Variants in ZNF385A observed in about 807,000 individuals in gnomAD.
The protein encoded by ZNF385A is zinc finger protein 385A.
In ZNF385A, 14 loss-of-function variants were observed where a neutral mutation model predicts 32.1. The ratio of observed to expected loss-of-function variants is 0.44; its 90% confidence interval spans 0.29 to 0.68. The LOEUF (loss-of-function observed/expected upper bound fraction) is 0.68. ZNF385A is among the 30% of genes least tolerant of loss of function. The pLI, the probability that ZNF385A is intolerant of heterozygous loss-of-function variation, is 0.14. For missense variants in ZNF385A, 406 were observed against 478.4 expected, an observed-to-expected ratio of 0.85 and a Z score of 1.41; for synonymous variants, 197 against 202.7, an observed-to-expected ratio of 0.97 and a Z score of 0.24.
Position 54,370,879 on chromosome 12 carries a change from T to A in ZNF385A, c.774+48A>T, listed in dbSNP as rs1954508416. ...CAAGCTCCTTGCTCCCCTTCCCCAC[T>A]TAGCGGGTGGAGCGTCCCAGAATTC... On this transcript the variant is annotated intron_variant, in intron 5 of 6. Coordinates refer to ENST00000394313, the MANE Select transcript of ZNF385A (RefSeq NM_015481.3). The surrounding 1 kb of genome is among the most constrained non-coding windows in gnomAD (Gnocchi z 5.5). 1 of 1,613,406 alleles carries A rather than the reference T, an allele frequency of 6.2e-7. No homozygotes were observed. The highest frequency in any genetic ancestry group is 1.3e-5 in the African/African-American group (1 of 74,926).
rs895133129 is a variant in ZNF385A, at chr12:54,378,198, G to A, written c.88-2244C>T. 2.6e-5 allele frequency among the ~76,000 whole-genome samples: 4 copies of A among 152,168 alleles called. No homozygotes were observed. In the East Asian group the frequency reaches 7.7e-4, roughly 29 times the overall value. On this transcript the variant is annotated intron_variant, in intron 1 of 6. Coordinates refer to ENST00000394313, the MANE Select transcript of ZNF385A (RefSeq NM_015481.3). ...TAAGGAGACACCAGGATGAAAGTGA[G>A]GACTCCTGGGCCCAATCCCTGTGCA...
In ZNF385A at chr12:54,375,573, G is replaced by A. The variant is rs141689962; in HGVS notation, c.198+271C>T. 3.9e-4 allele frequency among the ~76,000 whole-genome samples: 59 copies of A among 152,284 alleles called. 2 individuals are homozygous for A. The highest frequency in any genetic ancestry group is 1.3e-3 in the African/African-American group (55 of 41,558). On this transcript the variant is annotated intron_variant, in intron 2 of 6. Coordinates refer to ENST00000394313, the MANE Select transcript of ZNF385A (RefSeq NM_015481.3). ...TATGTTCCAAGAAGCTCTGAACCAC[G>A]GATGCCCAAGTCTCAAGGGAGGGAG... is the stretch of plus-strand genomic sequence containing the variant.
Position 54,369,966 on chromosome 12 carries a change from T to G in ZNF385A, c.*290A>C. The G allele has an allele frequency of 2.5e-4, 75 of 294,272 alleles. No individual in the cohort carries two copies. Among genetic ancestry groups the G allele is most frequent in the Middle Eastern group, 9.1e-4 (1 of 1,096 alleles). The allele number at this position is 294,272 out of a possible 1,614,324, so 18.2% of individuals were successfully genotyped here. A position where few individuals can be genotyped will look rare whatever the true frequency, so the allele number is the denominator to read the frequency against. ...GGGGAAGGGCTGGATGGACATGGCT[T>G]TTGGGAGGGGGGGTGTCTCCAAGGG... On this transcript the variant is annotated 3_prime_UTR_variant, in exon 7 of 7. Transcript: ENST00000394313.
chr12:54,391,139 G>C, intron 1 of ZNF385A: 1 of 1,342,222 alleles, frequency 7.5e-7, no homozygotes, highest in Non-Finnish European at 9.9e-7. Context: ...GGCGGCCGCA[G>C]TCACCGCGGT....
chr12:54,389,173 C>T (rs1331756516), upstream of ZNF385A, among the ~76,000 whole-genome samples: 1 of 152,182 alleles, frequency 6.6e-6, no homozygotes, highest in Non-Finnish European at 1.5e-5. Context: ...GAACCTGAGC[C>T]CAGAACTGCC....
In ZNF385A at chr12:54,391,234, C is replaced by A; in HGVS notation, c.10+1G>T. 6.9e-7 allele frequency: 1 copy of A among 1,447,236 alleles called. No homozygotes were observed. Among genetic ancestry groups the A allele is most frequent in the Non-Finnish European group, 9.2e-7 (1 of 1,089,750 alleles). 89.6% of individuals were successfully genotyped at this position (1,447,236 alleles called of 1,614,324 possible). A position where few individuals can be genotyped will look rare whatever the true frequency, so the allele number is the denominator to read the frequency against. ...AGCCTGGAGTCGCAGAGACCACTCA[C>A]CGAGGATCATGCTGGGGACCCAGGC... On this transcript the variant is annotated splice_donor_variant, in intron 1 of 7. Transcript: ENST00000338010. LOFTEE classifies it high-confidence loss of function.
At chr12:54,374,905 C>A (rs767954985) in intron 2 of ZNF385A, among the ~76,000 whole-genome samples, 9 of 152,110 alleles carry the variant, frequency 5.9e-5, no homozygotes, top group Non-Finnish European at 1.2e-4. Context: ...GTCTTCCCTT[C>A]CCCACCCTGC....
Position 54,370,559 on chromosome 12 carries a change from G to T in ZNF385A, c.870+67C>A. 1 of 1,552,042 alleles carries T rather than the reference G, an allele frequency of 6.4e-7. No homozygotes were observed. The highest frequency in any genetic ancestry group is 8.7e-7 in the Non-Finnish European group (1 of 1,147,240). On this transcript the variant is annotated intron_variant, in intron 6 of 6. Transcript: ENST00000394313. This position sits in a 1 kb window ranked among gnomAD's most constrained non-coding sequence, Gnocchi z 5.5. ...CAAACCCCACCTCTCCCTGGGCAAA[G>T]CCCGCGTCCCTCTCTCCTCCCCGCC...
chr12:54,380,923 C>G (rs993468462), intron 1 of ZNF385A, among the ~76,000 whole-genome samples: 2 of 151,966 alleles, frequency 1.3e-5, no homozygotes, highest in Admixed American at 6.6e-5. Flanking sequence ...ATTGGCCGGG[C>G]GCAGTGGCTC....
chr12:54,374,857 T>G (rs1486309093), intron 2 of ZNF385A, among the ~76,000 whole-genome samples: 1 of 151,894 alleles, frequency 6.6e-6, no homozygotes, highest in Admixed American at 6.5e-5. Flanking sequence ...ATGCCTGGGG[T>G]CCAAGCTAAA....
chr12:54,382,463 G>C (rs980903450), intron 1 of ZNF385A, among the ~76,000 whole-genome samples: 4 of 152,174 alleles, frequency 2.6e-5, no homozygotes, highest in Non-Finnish European at 5.9e-5. Context: ...AGTCTGTTTA[G>C]AGTCAGATGC....
upstream of ZNF385A, among the ~76,000 whole-genome samples, chr12:54,386,666 G>C (rs892869128): frequency 6.6e-6 from 1 of 152,186 alleles, no homozygotes; most frequent in Non-Finnish European, 1.5e-5. Flanking sequence ...CCCAGCAGCT[G>C]GTTTTGGGCT....
rs754353726 is a variant in ZNF385A, at chr12:54,370,680, C to T, written c.816G>A (p.Lys272=). Residue 272 remains lysine, a synonymous_variant, in exon 6 of 7, where the codon AAG becomes AAA. Coordinates refer to ENST00000394313, the MANE Select transcript of ZNF385A (RefSeq NM_015481.3). The surrounding 1 kb of genome is among the most constrained non-coding windows in gnomAD (Gnocchi z 5.5). ...TGTGACGGCTCAGTAGTGGGTTGGG[C>T]TTCCCGGCCACGCCGTCTCGGTGCC... is the stretch of plus-strand genomic sequence containing the variant. ...SRRHRDGVAG[K]PNPLLSRHKK... is the part of the protein sequence containing the mutation. 6.2e-7 allele frequency: 1 copy of T among 1,603,664 alleles called. No homozygotes were observed.
rs542019267 is a variant in ZNF385A, at chr12:54,377,836, G to T, written c.88-1882C>A. Among the ~76,000 whole-genome samples the T allele has an allele frequency of 2.4e-4, 36 of 152,298 alleles. No homozygotes were observed. In the South Asian group the frequency reaches 6.0e-3, roughly 25 times the overall value. ...ACTCAAGTTGGGCCAGGAAACCCAA[G>T]TTGGATGAAAACAGTAGGGAGAGAG... On this transcript the variant is annotated intron_variant, in intron 1 of 6. Coordinates refer to ENST00000394313, the MANE Select transcript of ZNF385A (RefSeq NM_015481.3).
intron 1 of ZNF385A, 147 bp from the exon 2 acceptor site, chr12:54,376,101 T>G (rs1954837351): frequency 3.1e-6 from 2 of 650,182 alleles, no homozygotes; most frequent in Admixed American, 5.0e-5. Flanking sequence ...AGTCTTCTGA[T>G]TCTCTCTTAG....
chr12:54,373,575 G>A (rs963967243), intron 3 of ZNF385A, among the ~76,000 whole-genome samples: 1 of 151,942 alleles, frequency 6.6e-6, no homozygotes, highest in African/African-American at 2.4e-5. Flanking sequence ...TGCACTCTCT[G>A]TCTTCCCCGA....
chr12:54,376,779 G>A (rs192638024), intron 1 of ZNF385A, among the ~76,000 whole-genome samples: 45 of 152,286 alleles, frequency 3.0e-4, no homozygotes, highest in Admixed American at 2.7e-3. Context: ...GGGAGAGGAC[G>A]GGAGTTTCTC....
chr12:54,373,339 C>T (rs1322137813), intron 3 of ZNF385A, among the ~76,000 whole-genome samples: 4 of 152,096 alleles, frequency 2.6e-5, no homozygotes, highest in African/African-American at 7.2e-5. Context: ...GGTGGCTCAT[C>T]ATATCTTCCT....
intron 1 of ZNF385A, among the ~76,000 whole-genome samples, chr12:54,390,754 C>G (rs1390029794): frequency 6.6e-6 from 1 of 151,792 alleles, no homozygotes; most frequent in Non-Finnish European, 1.5e-5. Flanking sequence ...CGAAGCTACA[C>G]CCACCATCTT....
Sources: allele counts gnomAD v4.1 joint callset (sites outside exome capture counted in the v4.1 genomes callset), GRCh38; gene constraint gnomAD v4.1.1; non-coding constraint Gnocchi (gnomAD v3.1); transcripts MANE v1.5; gene names NCBI Gene and HGNC (gene_info 2026-07-23, HGNC 2026-07-21).